The following PCDHA2 variants were observed in gnomAD, a reference collection of about 807,000 sequenced individuals.
PCDHA2 encodes the protein protocadherin alpha-2.
Under a neutral mutation model 66.0 loss-of-function variants are expected in PCDHA2, and 58 were observed. The observed-to-expected ratio is 0.88, with a 90% CI of 0.71 to 1.09. The LOEUF (loss-of-function observed/expected upper bound fraction) is 1.09, where lower values mean the gene tolerates loss of function less well. Ranked by LOEUF, PCDHA2 falls within the 50% of genes least tolerant of loss-of-function variation. PCDHA2 has a pLI of 0.00. For synonymous variants in PCDHA2, 634 were observed against 554.0 expected (o/e 1.14, Z -2.03); for missense variants, 1,267 against 1,242.3 (o/e 1.02, Z -0.30).
At chr5:140,869,746 A>G in intron 1 of PCDHA2, 1 of 1,613,340 alleles carries the variant, frequency 6.2e-7, no homozygotes, top group Non-Finnish European at 8.5e-7. Flanking sequence ...GCTAACAGCT[A>G]CAGACGGGGG....
At chr5:140,834,577 G>C (rs1554134334) in intron 1 of PCDHA2, 2 of 1,614,058 alleles carry the variant, frequency 1.2e-6, no homozygotes, top group Non-Finnish European at 1.7e-6. Context: ...CGCCTGTTCC[G>C]GGCGGTGTGC....
chr5:140,895,170 T>C (rs2064890754), intron 1 of PCDHA2, among the ~76,000 whole-genome samples: 1 of 152,176 alleles, frequency 6.6e-6, no homozygotes, highest in Admixed American at 6.5e-5. Flanking sequence ...TCCAATCTAT[T>C]TGTAGTCCCT....
intron 1 of PCDHA2, among the ~76,000 whole-genome samples, chr5:140,974,079 G>A (rs1554235799): frequency 6.6e-6 from 1 of 152,180 alleles, no homozygotes. Flanking sequence ...CTATAACCAT[G>A]ACTTCAAAAA....
chr5:140,836,641 A>G, intron 1 of PCDHA2: 1 of 1,613,486 alleles, frequency 6.2e-7, no homozygotes, highest in South Asian at 1.1e-5. Flanking sequence ...TTCTCCCAGC[A>G]GAGGCGGCAG....
intron 1 of PCDHA2, chr5:140,863,708 A>G: frequency 3.5e-6 from 1 of 284,690 alleles, no homozygotes; most frequent in Non-Finnish European, 6.9e-6. Flanking sequence ...TTTAAAGTAC[A>G]CTGGGGCCGG....
chr5:141,004,274 A>T (rs2098160407), intron 3 of PCDHA2, among the ~76,000 whole-genome samples: 1 of 152,212 alleles, frequency 6.6e-6, no homozygotes, highest in Admixed American at 6.5e-5. Flanking sequence ...CACAGTCTAC[A>T]TGCTGCTGAG....
At chr5:141,000,103 G>A (rs551643743) in intron 3 of PCDHA2, among the ~76,000 whole-genome samples, 15 of 152,186 alleles carry the variant, frequency 9.9e-5, no homozygotes, top group Admixed American at 5.2e-4. Context: ...GCTCAACTCC[G>A]TCTCTTCCCT....
chr5:140,999,183 AG>A (rs1233229901), intron 3 of PCDHA2, among the ~76,000 whole-genome samples: 2 of 152,200 alleles, frequency 1.3e-5, no homozygotes, highest in East Asian at 1.9e-4. Flanking sequence ...TGATGGGGAG[AG>A]GGTCCTTGGA....
chr5:140,796,668 T>A lies in PCDHA2; in HGVS notation c.1704T>A (p.Pro568=). Residue 568 remains proline, a synonymous_variant, in exon 1 of 4, where the codon CCT becomes CCA. Coordinates refer to ENST00000526136, the MANE Select transcript of PCDHA2 (RefSeq NM_018905.3). ...ACAACGCGCCGGCACTGTTGGCGCC[T>A]AGGGCTGGCACCGCTGCTGGCGCAG... ...ENDNAPALLA[P]RAGTAAGAVS... 1.2e-6 allele frequency: 2 copies of A among 1,613,872 alleles called. No homozygotes were observed. The highest frequency in any genetic ancestry group is 1.7e-6 in the Non-Finnish European group (2 of 1,179,874).
chr5:140,959,116 G>A (rs2095468018), intron 1 of PCDHA2, among the ~76,000 whole-genome samples: 1 of 152,002 alleles, frequency 6.6e-6, no homozygotes, highest in South Asian at 2.1e-4. Context: ...TCCGAAGGTG[G>A]GCGAGGTGAG....
chr5:140,828,620 T>C (rs2150157459), intron 1 of PCDHA2: 3 of 1,614,062 alleles, frequency 1.9e-6, no homozygotes, highest in African/African-American at 2.7e-5. Context: ...TTCTAGCGAA[T>C]ACTTCGGGCT....
At chr5:140,875,324 C>G in intron 1 of PCDHA2, 2 of 1,426,280 alleles carry the variant, frequency 1.4e-6, no homozygotes, top group Non-Finnish European at 1.8e-6. Flanking sequence ...CAATCATTCA[C>G]GGAATAGGAT....
intron 1 of PCDHA2, chr5:140,836,186 A>C (rs2150254902): frequency 6.2e-7 from 1 of 1,613,806 alleles, no homozygotes; most frequent in Non-Finnish European, 8.5e-7. Context: ...ACGCTGACTC[A>C]GGCTACAACG....
chr5:140,908,795 A>C (rs2074156138), intron 1 of PCDHA2, among the ~76,000 whole-genome samples: 1 of 152,202 alleles, frequency 6.6e-6, no homozygotes, highest in South Asian at 2.1e-4. Context: ...TCTGTACTAC[A>C]TTAAAAAGTG....
At position 140,903,003 on chromosome 5, in the gene PCDHA2, A is replaced by C. The variant is rs115622636; in HGVS notation, c.2389-75946A>C. On this transcript the variant is annotated intron_variant, in intron 1 of 3. Transcript: ENST00000526136. ...TGGTTCCATATTTTTGCAATTGTGAATTGTGCTGCTATCAACATGGCTTGC... is the reference window on the plus strand; with the variant it reads ...TGGTTCCATATTTTTGCAATTGTGACTTGTGCTGCTATCAACATGGCTTGC... Among the ~76,000 whole-genome samples the C allele has an allele frequency of 4.6e-3, 703 of 152,302 alleles. 3 individuals are homozygous for C. The highest frequency in any genetic ancestry group is 0.016 in the African/African-American group (680 of 41,574).
intron 1 of PCDHA2, chr5:140,830,355 G>C (rs2150185270): frequency 2.5e-6 from 4 of 1,614,120 alleles, no homozygotes; most frequent in South Asian, 2.2e-5. Flanking sequence ...CAGCAGAGGC[G>C]GCAGAGGGTG....
rs1763929295 is a variant in PCDHA2 at position 140,807,415 on chromosome 5, G to A, written c.2388+10063G>A. The A allele has an allele frequency of 1.9e-6, 3 of 1,591,566 alleles. No homozygotes were observed. In the Admixed American group the frequency reaches 5.2e-5, roughly 28 times the overall value. ...CCAAGGGCCGCGGAGGCCTTCTGGA[G>A]GTAAATCTGCAGAATGGCATTTTGT... On this transcript the variant is annotated intron_variant, in intron 1 of 3. Coordinates refer to ENST00000526136, the MANE Select transcript of PCDHA2 (RefSeq NM_018905.3).
At chr5:140,917,397 C>T (rs1606123) in intron 1 of PCDHA2, among the ~76,000 whole-genome samples, 6,084 of 150,666 alleles carry the variant, frequency 0.04, 137 homozygotes, top group Non-Finnish European at 0.052. Context: ...TGTGCAGAAG[C>T]TCTTTAGTTT....
intron 3 of PCDHA2, among the ~76,000 whole-genome samples, chr5:140,992,691 G>A (rs373170347): frequency 9.3e-4 from 142 of 152,244 alleles, no homozygotes; most frequent in Middle Eastern, 3.4e-3. Context: ...GGGTTGAGGG[G>A]TGGGTAATGT....
Sources: allele counts gnomAD v4.1 joint callset (sites outside exome capture counted in the v4.1 genomes callset), GRCh38; gene constraint gnomAD v4.1.1; transcripts MANE v1.5; gene names NCBI Gene and HGNC (gene_info 2026-07-23, HGNC 2026-07-21).